The following C3orf18 variants were observed in gnomAD, a reference collection of about 807,000 sequenced individuals.
The protein encoded by C3orf18 is uncharacterized protein C3orf18.
In C3orf18, 12 loss-of-function variants were observed where a neutral mutation model predicts 14.1. The observed-to-expected ratio is 0.85, with a 90% CI of 0.55 to 1.38. The LOEUF (loss-of-function observed/expected upper bound fraction) is 1.38. Ranked by LOEUF, C3orf18 falls within the 40% of genes most tolerant of loss-of-function variation. C3orf18 has a pLI of 0.00. For missense variants in C3orf18, 196 were observed against 213.9 expected, an observed-to-expected ratio of 0.92 and a Z score of 0.52; for synonymous variants, 82 against 87.9, an observed-to-expected ratio of 0.93 and a Z score of 0.38.
upstream of C3orf18, among the ~76,000 whole-genome samples, chr3:50,568,084 T>G (rs551504957): frequency 6.6e-6 from 1 of 152,332 alleles, no homozygotes; most frequent in Admixed American, 6.5e-5. Context: ...TGCACTGAAC[T>G]CTGGCTGACT....
upstream of C3orf18, among the ~76,000 whole-genome samples, chr3:50,573,034 A>G (rs972987502): frequency 2.0e-5 from 3 of 152,202 alleles, no homozygotes; most frequent in African/African-American, 7.2e-5. Context: ...TGCTGTGGCC[A>G]GGGGGCCCCA....
Position 50,559,392 on chromosome 3 carries a change from C to T in C3orf18, c.*265G>A. ...GGGGATGAGGAAGCCAGCAGAGGCT[C>T]TTGACCTTCTCAGCATGAGGGATGC... is the stretch of plus-strand genomic sequence containing the variant. On this transcript the variant is annotated 3_prime_UTR_variant, in exon 6 of 6. Transcript: ENST00000357203. 1 of 1,360,750 alleles carries T rather than the reference C, an allele frequency of 7.3e-7. No individual in the cohort carries two copies. Among genetic ancestry groups the T allele is most frequent in the East Asian group, 3.0e-5 (1 of 33,408 alleles). 84.3% of individuals were successfully genotyped at this position (1,360,750 alleles called of 1,614,324 possible).
At chr3:50,564,153 A>C (rs908045601) in intron 3 of C3orf18, among the ~76,000 whole-genome samples, 1 of 152,236 alleles carries the variant, frequency 6.6e-6, no homozygotes, top group Non-Finnish European at 1.5e-5. Context: ...TACTTGTCAG[A>C]GCAACATGCT....
Position 50,558,613 on chromosome 3 carries a change from C to T in C3orf18, c.*1044G>A, listed in dbSNP as rs781212356. ...CATAACTGCCCCCTCTAGCCTGCAG[C>T]CTGTGATTACTGCCCTCAGACCAAC... On this transcript the variant is annotated 3_prime_UTR_variant, in exon 6 of 6. Coordinates refer to ENST00000357203, the MANE Select transcript of C3orf18 (RefSeq NM_016210.5). 2.0e-4 allele frequency: 223 copies of T among 1,096,476 alleles called. No individual in the cohort carries two copies. The highest frequency in any genetic ancestry group is 3.7e-4 in the Middle Eastern group (1 of 2,706). 67.9% of individuals were successfully genotyped at this position (1,096,476 alleles called of 1,614,324 possible).
upstream of C3orf18, chr3:50,571,755 CAGCAA>C (rs1700990624): frequency 6.2e-7 from 1 of 1,614,090 alleles, no homozygotes; most frequent in Non-Finnish European, 8.5e-7. Flanking sequence ...CTTGACCTCT[CAGCAA>C]CTACAGTGTA....
At chr3:50,568,463 C>T (rs1270536559), upstream of C3orf18, among the ~76,000 whole-genome samples, 4 of 152,114 alleles carry the variant, frequency 2.6e-5, no homozygotes, top group Non-Finnish European at 5.9e-5. Flanking sequence ...CGTGGTGGCT[C>T]ACTCCTGTAA....
intron 3 of C3orf18, chr3:50,562,054 C>G (rs989728225): frequency 3.0e-5 from 17 of 570,532 alleles, no homozygotes; most frequent in Non-Finnish European, 4.4e-5. Context: ...TGTGCACCAC[C>G]ACACCCGGCT....
intron 3 of C3orf18, among the ~76,000 whole-genome samples, chr3:50,563,321 C>T (rs902241497): frequency 3.3e-5 from 5 of 152,068 alleles, no homozygotes; most frequent in Admixed American, 6.6e-5. Context: ...CCAGCCCCAG[C>T]CCCAGCCCCT....
In C3orf18 at chr3:50,565,785, T is replaced by G; in HGVS notation, c.-86A>C. On this transcript the variant is annotated 5_prime_UTR_variant, in exon 3 of 6. Coordinates refer to ENST00000357203, the MANE Select transcript of C3orf18 (RefSeq NM_016210.5). The surrounding 1 kb of genome is among the most constrained non-coding windows in gnomAD (Gnocchi z 4.4). ...CTCCTGACTCCGGAGTGCCCCAGCC[T>G]GTGGTTCCTGCCACCTGTGGTGGCC... is the stretch of plus-strand genomic sequence containing the variant. 9.4e-7 allele frequency: 1 copy of G among 1,067,160 alleles called. No individual in the cohort carries two copies. Among genetic ancestry groups the G allele is most frequent in the Non-Finnish European group, 1.3e-6 (1 of 742,050 alleles). The allele number at this position is 1,067,160 out of a possible 1,614,324, so 66.1% of individuals were successfully genotyped here. A position where few individuals can be genotyped will look rare whatever the true frequency, so the allele number is the denominator to read the frequency against.
upstream of C3orf18, among the ~76,000 whole-genome samples, chr3:50,573,088 A>T (rs1176038779): frequency 1.3e-5 from 2 of 151,808 alleles, no homozygotes; most frequent in Admixed American, 1.3e-4. Flanking sequence ...TAGCCAAGAA[A>T]CTCTCTGACC....
upstream of C3orf18, chr3:50,571,855 C>T (rs972053947): frequency 3.9e-6 from 6 of 1,532,258 alleles, no homozygotes; most frequent in Admixed American, 6.7e-5. Flanking sequence ...AGCAGTCCAG[C>T]CTCCCCTATC....
Position 50,562,297 on chromosome 3 carries a change from G to A in C3orf18, c.235-550C>T, listed in dbSNP as rs989307146. On this transcript the variant is annotated intron_variant, in intron 3 of 5. Coordinates refer to ENST00000357203, the MANE Select transcript of C3orf18 (RefSeq NM_016210.5). ...CCTGGGAGCCCACACAGTTAGGCCC[G>A]GCCTGGGGACTGGTGGGCCCCACCT... The A allele has an allele frequency of 1.9e-4, 69 of 360,250 alleles. No homozygotes were observed. The Admixed American group carries it at 2.3e-3, about 12-fold the overall frequency. The allele number at this position is 360,250 out of a possible 1,614,324, so 22.3% of individuals were successfully genotyped here. A position where few individuals can be genotyped will look rare whatever the true frequency, so the allele number is the denominator to read the frequency against.
upstream of C3orf18, chr3:50,571,975 G>A (rs747362917): frequency 9.2e-6 from 13 of 1,415,360 alleles, no homozygotes; most frequent in Non-Finnish European, 1.3e-5. Flanking sequence ...GAGGGAGGGA[G>A]GGTTTTGCCT....
chr3:50,561,941 C>T (rs1700002113), intron 3 of C3orf18, 194 bp from the exon 4 acceptor site: 3 of 634,336 alleles, frequency 4.7e-6, no homozygotes, highest in African/African-American at 3.7e-5. Flanking sequence ...GCTCTGTCAC[C>T]CAGGCTGGAG....
upstream of C3orf18, among the ~76,000 whole-genome samples, chr3:50,574,158 G>A (rs1468059182): frequency 2.0e-5 from 3 of 152,170 alleles, no homozygotes; most frequent in South Asian, 4.1e-4. Flanking sequence ...CCTCTTTCCC[G>A]CATGCGTCTG....
Position 50,560,931 on chromosome 3 carries a change from C to A in C3orf18, c.394G>T (p.Ala132Ser). Residue 132 changes from alanine (A) to serine (S), a missense_variant, in exon 5 of 6, where the codon GCC becomes TCC. Coordinates refer to ENST00000357203, the MANE Select transcript of C3orf18 (RefSeq NM_016210.5). ...TCAGTGCCCACCTTGCCCTGCATGG[C>A]CTGCACAGAAGTAGCAGCCTGTACA... is the stretch of plus-strand genomic sequence containing the variant. Reference protein sequence around the residue: ...ASVQAATSVQAMQGKTTLPSQ... With the variant: ...ASVQAATSVQSMQGKTTLPSQ... The A allele has an allele frequency of 6.2e-7, 1 of 1,612,336 alleles. No individual in the cohort carries two copies. Among genetic ancestry groups the A allele is most frequent in the Non-Finnish European group, 8.5e-7 (1 of 1,179,250 alleles).
chr3:50,572,933 C>T (rs1006146597), upstream of C3orf18, among the ~76,000 whole-genome samples: 2 of 152,092 alleles, frequency 1.3e-5, no homozygotes, highest in East Asian at 1.9e-4. Flanking sequence ...AGCTGGTGGG[C>T]AAGCCAGAGG....
At chr3:50,563,671 A>C (rs979682205) in intron 3 of C3orf18, among the ~76,000 whole-genome samples, 2 of 152,022 alleles carry the variant, frequency 1.3e-5, no homozygotes, top group Non-Finnish European at 2.9e-5. Flanking sequence ...CGGGGAGAGG[A>C]AGCAGCACTC....
upstream of C3orf18, among the ~76,000 whole-genome samples, chr3:50,568,857 G>A (rs753205225): frequency 4.2e-4 from 64 of 152,320 alleles, no homozygotes; most frequent in Admixed American, 1.4e-3. Flanking sequence ...TTTATAGAAG[G>A]CGCAACTGAG....
Sources: gnomAD v4.1 joint callset for allele counts (sites outside exome capture counted in the v4.1 genomes callset) on GRCh38, gnomAD v4.1.1 for gene constraint, Gnocchi (gnomAD v3.1) non-coding constraint, MANE v1.5 for transcripts, NCBI Gene and HGNC (gene_info 2026-07-23, HGNC 2026-07-21) for gene names.